Variants in TCERG1L observed in about 807,000 individuals in gnomAD.
TCERG1L encodes transcription elongation regulator 1 like, also known as transcription elongation regulator 1-like protein.
In TCERG1L, 37 loss-of-function variants were observed where a neutral mutation model predicts 56.3. That is an observed-to-expected ratio of 0.66 (90% CI 0.51 to 0.87). TCERG1L has a LOEUF of 0.87. Ranked by LOEUF, TCERG1L falls within the 40% of genes least tolerant of loss-of-function variation. The pLI, the probability that TCERG1L is intolerant of heterozygous loss-of-function variation, is 0.00. For synonymous variants in TCERG1L, 324 were observed against 326.3 expected (o/e 0.99, Z 0.08); for missense variants, 799 against 774.2 (o/e 1.03, Z -0.38).
intron 1 of TCERG1L, among the ~76,000 whole-genome samples, chr10:131,310,749 C>G (rs1209434816): frequency 6.6e-6 from 1 of 152,184 alleles, no homozygotes; most frequent in African/African-American, 2.4e-5. Flanking sequence ...TCCCTCAGTA[C>G]CGAAGGCAGG....
intron 7 of TCERG1L, among the ~76,000 whole-genome samples, chr10:131,139,535 C>T (rs1036726571): frequency 6.6e-6 from 1 of 152,184 alleles, no homozygotes; most frequent in Non-Finnish European, 1.5e-5. Context: ...GTGCAGACAG[C>T]GTGCAGCAGC....
In TCERG1L at chr10:131,311,338, C is replaced by T. The variant is rs1456299356; in HGVS notation, c.298G>A (p.Ala100Thr). 2.5e-6 allele frequency: 3 copies of T among 1,203,928 alleles called. No homozygotes were observed. Among genetic ancestry groups the T allele is most frequent in the African/African-American group, 1.6e-5 (1 of 62,698 alleles). 74.6% of individuals were successfully genotyped at this position (1,203,928 alleles called of 1,614,324 possible). Residue 100 changes from alanine (A) to threonine (T), a missense_variant, in exon 1 of 12, where the codon GCC becomes ACC. Coordinates refer to ENST00000368642, the MANE Select transcript of TCERG1L (RefSeq NM_174937.4). This position sits in a 1 kb window ranked among gnomAD's most constrained non-coding sequence, Gnocchi z 4.0. The part of the protein sequence containing the change: ...LLPLPSAPDS[A>T]AAAAAHPFPA... ...AAGGGGTGCGCGGCGGCGGCGGCGGCGGAGTCTGGCGCAGAGGGCAGCGGC... is the reference window on the plus strand; with the variant it reads ...AAGGGGTGCGCGGCGGCGGCGGCGGTGGAGTCTGGCGCAGAGGGCAGCGGC...
chr10:131,292,667 G>A (rs937291169), intron 3 of TCERG1L, among the ~76,000 whole-genome samples: 1 of 152,182 alleles, frequency 6.6e-6, no homozygotes, highest in Non-Finnish European at 1.5e-5. Context: ...GGTGCAGATG[G>A]AGCTTCTTGT....
intron 4 of TCERG1L, among the ~76,000 whole-genome samples, chr10:131,214,021 C>G (rs555066659): frequency 6.9e-6 from 1 of 144,606 alleles, no homozygotes; most frequent in East Asian, 2.1e-4. Flanking sequence ...TACAAACATG[C>G]TTTTAATGTT....
At chr10:131,229,893 G>C (rs540095152) in intron 4 of TCERG1L, among the ~76,000 whole-genome samples, 1 of 152,176 alleles carries the variant, frequency 6.6e-6, no homozygotes, top group South Asian at 2.1e-4. Flanking sequence ...CCTTCTGAAC[G>C]AAGCGCTGAG....
At chr10:131,262,840 CT>C (rs1463474993) in intron 3 of TCERG1L, among the ~76,000 whole-genome samples, 6 of 152,284 alleles carry the variant, frequency 3.9e-5, no homozygotes, top group Middle Eastern at 6.8e-3. Context: ...CTCCCTCCCC[CT>C]AGCCCCTGGC....
intron 4 of TCERG1L, among the ~76,000 whole-genome samples, chr10:131,259,021 A>G (rs77944137): frequency 2.0e-5 from 3 of 152,256 alleles, no homozygotes; most frequent in Non-Finnish European, 2.9e-5. Flanking sequence ...TCTCCATCAC[A>G]CTCTAAATGC....
Position 131,115,610 on chromosome 10 carries a change from C to T in TCERG1L, c.1395+1189G>A, listed in dbSNP as rs1845452296. Among the ~76,000 whole-genome samples, 9 of 130,096 alleles carry T rather than the reference C, an allele frequency of 6.9e-5. 2 individuals carry two copies. In the South Asian group the frequency reaches 2.2e-3, roughly 32 times the overall value. 85.3% of individuals were successfully genotyped at this position (130,096 alleles called of 152,430 possible). On this transcript the variant is annotated intron_variant, in intron 9 of 11. Coordinates refer to ENST00000368642, the MANE Select transcript of TCERG1L (RefSeq NM_174937.4). ...GTCACCAGCTCACACCCCCACTTTT[C>T]CTTCTGGTTCCCTGAGGCCCAGGGC...
At chr10:131,112,389 C>A (rs1171925427) in intron 9 of TCERG1L, among the ~76,000 whole-genome samples, 1 of 142,538 alleles carries the variant, frequency 7.0e-6, no homozygotes, top group Non-Finnish European at 1.6e-5. Context: ...AGGACTTTCT[C>A]CCCCTGTCCC....
At chr10:131,128,914 G>A (rs372417897) in intron 8 of TCERG1L, among the ~76,000 whole-genome samples, 2 of 152,106 alleles carry the variant, frequency 1.3e-5, no homozygotes, top group East Asian at 1.9e-4. Context: ...GATAAAGCTC[G>A]GCTCTGACGG....
chr10:131,158,929 C>T (rs919577171), intron 6 of TCERG1L, among the ~76,000 whole-genome samples: 1 of 152,252 alleles, frequency 6.6e-6, no homozygotes, highest in African/African-American at 2.4e-5. Context: ...CACCCCGCCA[C>T]CAGTTCAGCT....
chr10:131,305,564 A>G (rs1384479248), intron 3 of TCERG1L, among the ~76,000 whole-genome samples: 7 of 152,088 alleles, frequency 4.6e-5, no homozygotes, highest in Admixed American at 4.6e-4. Context: ...CATAGTATAA[A>G]TTGCTATTAT....
intron 11 of TCERG1L, among the ~76,000 whole-genome samples, chr10:131,094,304 C>T (rs541809904): frequency 4.6e-5 from 7 of 152,328 alleles, no homozygotes; most frequent in South Asian, 2.1e-4. Flanking sequence ...CTGGGGTGCA[C>T]GGAAAATGTG....
chr10:131,225,578 T>C (rs1424859919), intron 4 of TCERG1L, among the ~76,000 whole-genome samples: 1 of 152,306 alleles, frequency 6.6e-6, no homozygotes. Context: ...CGAGTCCCTA[T>C]TTAATGCTGA....
intron 3 of TCERG1L, among the ~76,000 whole-genome samples, chr10:131,300,894 T>C (rs1846755203): frequency 6.6e-6 from 1 of 152,174 alleles, no homozygotes. Flanking sequence ...ATTTTGTCAG[T>C]GTATTCAGGG....
intron 4 of TCERG1L, among the ~76,000 whole-genome samples, chr10:131,217,378 C>T (rs1412569454): frequency 2.0e-5 from 3 of 152,154 alleles, no homozygotes; most frequent in Admixed American, 6.5e-5. Context: ...GCCATGCTTT[C>T]GGCACAGCCT....
At chr10:131,182,036 C>G (rs1845184722) in intron 4 of TCERG1L, among the ~76,000 whole-genome samples, 1 of 152,030 alleles carries the variant, frequency 6.6e-6, no homozygotes, top group Non-Finnish European at 1.5e-5. Flanking sequence ...ACATAGCACT[C>G]TGTGCATGTG....
At chr10:131,248,965 C>T (rs891372686) in intron 4 of TCERG1L, among the ~76,000 whole-genome samples, 1 of 152,170 alleles carries the variant, frequency 6.6e-6, no homozygotes, top group Non-Finnish European at 1.5e-5. Flanking sequence ...CCAGCCGCCC[C>T]GGGGAGAGGC....
At chr10:131,221,732 A>G (rs1455410489) in intron 4 of TCERG1L, among the ~76,000 whole-genome samples, 1 of 152,208 alleles carries the variant, frequency 6.6e-6, no homozygotes, top group African/African-American at 2.4e-5. Context: ...CACGTGACAG[A>G]CAGCAGAGCA....
Sources: allele counts gnomAD v4.1 joint callset (sites outside exome capture counted in the v4.1 genomes callset), GRCh38; gene constraint gnomAD v4.1.1; non-coding constraint Gnocchi (gnomAD v3.1); transcripts MANE v1.5; gene names NCBI Gene and HGNC (gene_info 2026-07-23, HGNC 2026-07-21).